The following UBR3 variants were observed in gnomAD, a reference collection of about 807,000 sequenced individuals.
UBR3 encodes the protein ubiquitin protein ligase E3 component n-recognin 3.
Under a neutral mutation model 243.2 loss-of-function variants are expected in UBR3, and 85 were observed. The ratio of observed to expected loss-of-function variants is 0.35; its 90% CI spans 0.29 to 0.42. The LOEUF (loss-of-function observed/expected upper bound fraction) is 0.42, where lower values mean the gene tolerates loss of function less well. Ranked by LOEUF, UBR3 falls within the 10% of genes least tolerant of loss-of-function variation. The pLI is 1.00. For missense variants in UBR3, 1,686 were observed against 2,300.8 expected, an observed-to-expected ratio of 0.73 and a Z score of 5.47; for synonymous variants, 748 against 799.8, an observed-to-expected ratio of 0.94 and a Z score of 1.09.
chr2:169,831,334 A>C (rs927521068), intron 1 of UBR3, among the ~76,000 whole-genome samples: 11 of 149,528 alleles, frequency 7.4e-5, no homozygotes, highest in African/African-American at 2.7e-4. Context: ...GTTTTTAGTA[A>C]AGACAGGGTT....
intron 1 of UBR3, among the ~76,000 whole-genome samples, chr2:169,829,431 T>C (rs1352243391): frequency 6.6e-6 from 1 of 151,194 alleles, no homozygotes; most frequent in African/African-American, 2.4e-5. Context: ...AGTTTTTTTT[T>C]TTTTTTTTTG....
intron 5 of UBR3, among the ~76,000 whole-genome samples, chr2:169,887,901 C>G (rs891471496): frequency 6.6e-6 from 1 of 151,216 alleles, no homozygotes; most frequent in African/African-American, 2.4e-5. Context: ...CTTAGCCTCC[C>G]GAGTAGCTGG....
At chr2:170,060,976 AATAAT>A (rs768022837) in intron 33 of UBR3, 98 bp from the exon 34 acceptor site, 5 of 782,616 alleles carry the variant, frequency 6.4e-6, no homozygotes, top group Non-Finnish European at 7.5e-6. Context: ...ATGCTTGAAA[AATAAT>A]ATAATCACAG....
In UBR3 at chr2:169,905,427, G is replaced by GT. The variant is rs2084977094; in HGVS notation, c.1645+135dup. The GT allele has an allele frequency of 6.5e-6, 4 of 610,722 alleles. No individual in the cohort carries two copies. In the East Asian group the frequency reaches 1.4e-4, roughly 21 times the overall value. 37.8% of individuals were successfully genotyped at this position (610,722 alleles called of 1,614,324 possible). On this transcript the variant is annotated intron_variant, in intron 9 of 38. Transcript: ENST00000272793. ...TAGCTCATTATTTTAATTGGTATTT[G>GT]TAAGTACTTTAATAAATTGTTCATA...
At chr2:170,004,789 T>C (rs2089848279) in intron 27 of UBR3, among the ~76,000 whole-genome samples, 1 of 152,100 alleles carries the variant, frequency 6.6e-6, no homozygotes, top group Non-Finnish European at 1.5e-5. Flanking sequence ...CGAGTGCCTG[T>C]AATCCCACCT....
At chr2:169,905,542 T>C (rs2084981167) in intron 9 of UBR3, among the ~76,000 whole-genome samples, 1 of 152,300 alleles carries the variant, frequency 6.6e-6, no homozygotes, top group African/African-American at 2.4e-5. Context: ...TTTAACTTAA[T>C]TTTTTTATTT....
At chr2:170,025,979 ATC>A (rs760818109) in intron 30 of UBR3, among the ~76,000 whole-genome samples, 15 of 152,146 alleles carry the variant, frequency 9.9e-5, no homozygotes, top group African/African-American at 3.6e-4. Context: ...CCTGTTGAAC[ATC>A]TGAAGTACCA....
chr2:169,971,829 A>AC (rs2088163373), intron 24 of UBR3, among the ~76,000 whole-genome samples: 2 of 152,194 alleles, frequency 1.3e-5, no homozygotes, highest in African/African-American at 4.8e-5. Flanking sequence ...TCCAAAATTG[A>AC]CACCCTAACA....
At chr2:169,953,951 T>A (rs780236248) in intron 23 of UBR3, among the ~76,000 whole-genome samples, 1 of 152,214 alleles carries the variant, frequency 6.6e-6, no homozygotes, top group Non-Finnish European at 1.5e-5. Flanking sequence ...TAGAGCACAT[T>A]TTTCTTTGCT....
chr2:169,901,732 A>C (rs769601137), intron 8 of UBR3, among the ~76,000 whole-genome samples: 13 of 152,338 alleles, frequency 8.5e-5, no homozygotes, highest in Non-Finnish European at 2.9e-5. Flanking sequence ...TGTGATTCCT[A>C]CCTTCTACTT....
chr2:169,874,220 G>A (rs2083524852), intron 2 of UBR3, among the ~76,000 whole-genome samples: 1 of 151,370 alleles, frequency 6.6e-6, no homozygotes, highest in Non-Finnish European at 1.5e-5. Flanking sequence ...CCAGGCTGGA[G>A]TGCAGTGGTG....
At chr2:170,054,597 T>A (rs908334325) in intron 32 of UBR3, among the ~76,000 whole-genome samples, 2 of 152,128 alleles carry the variant, frequency 1.3e-5, no homozygotes, top group Middle Eastern at 3.2e-3. Flanking sequence ...CAGCTATTTT[T>A]AAAAATTTTT....
intron 31 of UBR3, among the ~76,000 whole-genome samples, chr2:170,032,524 A>G (rs1346087986): frequency 2.1e-5 from 3 of 142,914 alleles, no homozygotes; most frequent in Non-Finnish European, 4.5e-5. Flanking sequence ...ATGTCTCTTT[A>G]ATTTCCTTTA....
At chr2:169,897,051 G>A (rs1192767797) in intron 8 of UBR3, among the ~76,000 whole-genome samples, 1 of 151,964 alleles carries the variant, frequency 6.6e-6, no homozygotes, top group African/African-American at 2.4e-5. Flanking sequence ...TTCTTTTTGT[G>A]TAATGACTAT....
At chr2:169,889,504 C>A (rs189038912) in intron 5 of UBR3, among the ~76,000 whole-genome samples, 1 of 152,240 alleles carries the variant, frequency 6.6e-6, no homozygotes, top group East Asian at 1.9e-4. Flanking sequence ...ACCCTCTGGG[C>A]CCTGTAGTAT....
At chr2:169,896,212 G>A (rs867097108) in intron 7 of UBR3, among the ~76,000 whole-genome samples, 2 of 152,052 alleles carry the variant, frequency 1.3e-5, no homozygotes, top group Non-Finnish European at 2.9e-5. Context: ...TGCTTGAACT[G>A]GGGAGGCGGA....
chr2:169,878,629 CTT>C, intron 5 of UBR3, 55 bp downstream of exon 5: 1 of 1,422,218 alleles, frequency 7.0e-7, no homozygotes, highest in Non-Finnish European at 9.6e-7. Context: ...CTTTTTTATA[CTT>C]TTTTATTATT....
chr2:169,830,099 T>C (rs1025099909), intron 1 of UBR3, among the ~76,000 whole-genome samples: 1 of 152,232 alleles, frequency 6.6e-6, no homozygotes, highest in Non-Finnish European at 1.5e-5. Context: ...ATGTTTTCAA[T>C]TTGCCATTCT....
intron 24 of UBR3, among the ~76,000 whole-genome samples, chr2:169,961,874 G>GGT (rs760981820): frequency 7.3e-6 from 1 of 136,842 alleles, no homozygotes; most frequent in Non-Finnish European, 1.5e-5. Context: ...TTTTTCCCAT[G>GGT]TTTTTTTTTT....
Sources: gnomAD v4.1 joint callset for allele counts (sites outside exome capture counted in the v4.1 genomes callset) on GRCh38, gnomAD v4.1.1 for gene constraint, MANE v1.5 for transcripts, NCBI Gene and HGNC (gene_info 2026-07-23, HGNC 2026-07-21) for gene names.